PPARG: variants seen among roughly 807,000 people sequenced by gnomAD.
The protein encoded by PPARG is peroxisome proliferator-activated receptor gamma.
A neutral mutation model predicts 39.2 loss-of-function variants in PPARG; 17 were observed. That is an observed-to-expected ratio of 0.43 (90% CI 0.30 to 0.65). The LOEUF (loss-of-function observed/expected upper bound fraction) is 0.65. Among genes scored for constraint, PPARG ranks in the 30% least tolerant of loss-of-function variants. PPARG has a pLI of 0.13. For synonymous variants in PPARG, 223 were observed against 215.7 expected (o/e 1.03, Z -0.30); for missense variants, 406 against 585.9 (o/e 0.69, Z 3.17).
At chr3:12,293,262 A>G (rs1410402287) in intron 1 of PPARG, among the ~76,000 whole-genome samples, 1 of 152,172 alleles carries the variant, frequency 6.6e-6, no homozygotes, top group South Asian at 2.1e-4. Flanking sequence ...GTTCAGTTGG[A>G]TTCAATATCT....
intron 7 of PPARG, among the ~76,000 whole-genome samples, chr3:12,427,023 G>A (rs557989714): frequency 2.4e-4 from 37 of 152,272 alleles, no homozygotes; most frequent in Non-Finnish European, 4.4e-4. Flanking sequence ...CCAGGCATTC[G>A]TTTGCTTTTT....
At chr3:12,432,686 GAAAT>G (rs1469713299) in intron 7 of PPARG, among the ~76,000 whole-genome samples, 3 of 152,040 alleles carry the variant, frequency 2.0e-5, no homozygotes, top group Non-Finnish European at 1.5e-5. Flanking sequence ...TGCAAAAGAA[GAAAT>G]AAATAAAGCT....
intron 2 of PPARG, among the ~76,000 whole-genome samples, chr3:12,358,716 T>C (rs1184178687): frequency 6.6e-6 from 1 of 152,216 alleles, no homozygotes; most frequent in Non-Finnish European, 1.5e-5. Context: ...CACAGAAGTC[T>C]TTGCCATTTA....
At chr3:12,384,215 CTT>C (rs1026135654) in intron 4 of PPARG, among the ~76,000 whole-genome samples, 44 of 152,138 alleles carry the variant, frequency 2.9e-4, no homozygotes, top group Admixed American at 2.2e-3. Flanking sequence ...TGTGAATCCA[CTT>C]ATATTTTGAT....
chr3:12,351,585 A>T lies in PPARG; in HGVS notation c.-8-28119A>T, dbSNP rs1429190563. On this transcript the variant is annotated intron_variant, in intron 2 of 7. Transcript: ENST00000651735. ...GTGAATTACAGCAAACCCCTATTCC[A>T]TGCTGTTATGGGTGAAACTCTGGGA... 1 of 1,591,254 alleles carries T rather than the reference A, an allele frequency of 6.3e-7. No homozygotes were observed. Among genetic ancestry groups the T allele is most frequent in the Non-Finnish European group, 8.6e-7 (1 of 1,159,104 alleles).
intron 1 of PPARG, among the ~76,000 whole-genome samples, chr3:12,304,580 A>G (rs1236073429): frequency 6.6e-6 from 1 of 152,232 alleles, no homozygotes; most frequent in Non-Finnish European, 1.5e-5. Context: ...GTCTAGTAGA[A>G]TATTTTGTTA....
chr3:12,390,591 A>G (rs1488140838), intron 4 of PPARG, among the ~76,000 whole-genome samples: 2 of 145,418 alleles, frequency 1.4e-5, no homozygotes, highest in Admixed American at 6.8e-5. Flanking sequence ...ATTAAATAGT[A>G]TATTATTTTG....
intron 4 of PPARG, among the ~76,000 whole-genome samples, chr3:12,391,639 C>G (rs779001133): frequency 6.6e-6 from 1 of 152,096 alleles, no homozygotes; most frequent in Non-Finnish European, 1.5e-5. Context: ...TTTGGACAGG[C>G]TGGCTTAGAG....
chr3:12,366,952 G>A (rs2049037550), intron 2 of PPARG, among the ~76,000 whole-genome samples: 1 of 152,134 alleles, frequency 6.6e-6, no homozygotes, highest in African/African-American at 2.4e-5. Flanking sequence ...TATTCTGAAA[G>A]AGATTTCAGA....
At chr3:12,307,047 G>A (rs561083766) in intron 1 of PPARG, among the ~76,000 whole-genome samples, 2 of 142,670 alleles carry the variant, frequency 1.4e-5, no homozygotes, top group Admixed American at 7.3e-5. Flanking sequence ...GCAGTGAGCC[G>A]AGATCGCGCC....
intron 2 of PPARG, among the ~76,000 whole-genome samples, chr3:12,331,656 C>T (rs1434000562): frequency 6.6e-6 from 1 of 152,120 alleles, no homozygotes; most frequent in Non-Finnish European, 1.5e-5. Flanking sequence ...AAGAGAGTGT[C>T]TTTGGATTCC....
At chr3:12,400,980 C>T (rs1035859323) in intron 5 of PPARG, among the ~76,000 whole-genome samples, 1 of 152,176 alleles carries the variant, frequency 6.6e-6, no homozygotes, top group Admixed American at 6.5e-5. Flanking sequence ...TCCAGAGAGG[C>T]CAAAAGTTCT....
At chr3:12,301,462 C>T (rs2046924166) in intron 1 of PPARG, 1 of 152,194 alleles carries the variant, frequency 6.6e-6, no homozygotes, top group Admixed American at 6.5e-5. Flanking sequence ...TCAGCTAGTT[C>T]ATATATGAAT....
At chr3:12,406,445 C>A in intron 6 of PPARG, 1 of 305,772 alleles carries the variant, frequency 3.3e-6, no homozygotes, top group Non-Finnish European at 6.3e-6. Flanking sequence ...AGCAGCCTTG[C>A]TTTCCTCTGG....
intron 2 of PPARG, among the ~76,000 whole-genome samples, chr3:12,342,040 C>G (rs1354475052): frequency 6.6e-6 from 1 of 152,078 alleles, no homozygotes; most frequent in African/African-American, 2.4e-5. Context: ...AGACATATCA[C>G]CATTCTAACT....
intron 6 of PPARG, among the ~76,000 whole-genome samples, chr3:12,414,038 G>A (rs1390314373): frequency 6.6e-6 from 1 of 152,130 alleles, no homozygotes; most frequent in Non-Finnish European, 1.5e-5. Context: ...AGCTTTATAT[G>A]AGGGGACAGG....
intron 5 of PPARG, among the ~76,000 whole-genome samples, chr3:12,396,130 ATT>A (rs1341225695): frequency 1.3e-5 from 2 of 150,938 alleles, no homozygotes; most frequent in Non-Finnish European, 3.0e-5. Flanking sequence ...TTTTATTATT[ATT>A]TTTTTTTGAG....
chr3:12,425,951 T>A (rs755784907), intron 7 of PPARG, among the ~76,000 whole-genome samples: 4 of 152,052 alleles, frequency 2.6e-5, no homozygotes, highest in Admixed American at 6.5e-5. Flanking sequence ...GGTGGTGCTG[T>A]TGAGTGGAGG....
In PPARG at chr3:12,417,902, C is replaced by CTTTTTTTT. The variant is rs869086237; in HGVS notation, c.1180+764_1180+771dup. Among the ~76,000 whole-genome samples, 313 of 65,884 alleles carry CTTTTTTTT rather than the reference C, an allele frequency of 4.8e-3. 15 individuals are homozygous for CTTTTTTTT. Among genetic ancestry groups the CTTTTTTTT allele is most frequent in the African/African-American group, 7.3e-3 (124 of 16,960 alleles). The allele number at this position is 65,884 out of a possible 152,430, so 43.2% of individuals were successfully genotyped here. A position where few individuals can be genotyped will look rare whatever the true frequency, so the allele number is the denominator to read the frequency against. ...CTTTTTTTTTTCTTTTTTTTTTTTC[C>CTTTTTTTT]TTTTTTTTTTTTTTTTTTTTTTTGT... On this transcript the variant is annotated intron_variant, in intron 7 of 7. Transcript: ENST00000651735.
Sources: allele counts gnomAD v4.1 joint callset (sites outside exome capture counted in the v4.1 genomes callset), GRCh38; gene constraint gnomAD v4.1.1; transcripts MANE v1.5; gene names NCBI Gene and HGNC (gene_info 2026-07-23, HGNC 2026-07-21).